NEK10: variants seen among roughly 807,000 people sequenced by gnomAD.
NEK10 encodes serine/threonine-protein kinase Nek10.
Under a neutral mutation model 159.8 loss-of-function variants are expected in NEK10, and 122 were observed. That is an observed-to-expected ratio of 0.76 (90% confidence interval 0.66 to 0.89). The LOEUF (loss-of-function observed/expected upper bound fraction) is 0.89. Ranked by LOEUF, NEK10 falls within the 40% of genes least tolerant of loss-of-function variation. The pLI, the probability that NEK10 is intolerant of heterozygous loss-of-function variation, is 0.00. For missense variants in NEK10, 1,342 were observed against 1,323.1 expected (o/e 1.01, Z -0.22); for synonymous variants, 466 against 457.1 (o/e 1.02, Z -0.25).
At chr3:27,129,650 T>C (rs1280418979) in intron 32 of NEK10, among the ~76,000 whole-genome samples, 2 of 152,108 alleles carry the variant, frequency 1.3e-5, no homozygotes, top group Admixed American at 6.6e-5. Flanking sequence ...TTATACAGAA[T>C]ATATATTAAT....
rs1943303642 is a variant in NEK10 at position 27,137,174 on chromosome 3, T to C, written c.2970+4308A>G. Among the ~76,000 whole-genome samples the C allele has an allele frequency of 2.6e-5, 4 of 152,192 alleles. No individual in the cohort carries two copies. In the South Asian group the frequency reaches 8.3e-4, roughly 31 times the overall value. Reference sequence around the variant, plus strand: ...GTGCAATGTCATAAACTTTAGAGTATTCTGGAAATACATTTTAAAAATCAC... The same window carrying C: ...GTGCAATGTCATAAACTTTAGAGTACTCTGGAAATACATTTTAAAAATCAC... On this transcript the variant is annotated intron_variant, in intron 31 of 35. Transcript: ENST00000691995.
chr3:27,180,434 A>C, intron 26 of NEK10, among the ~76,000 whole-genome samples: 1 of 96,944 alleles, frequency 1.0e-5, no homozygotes, highest in Non-Finnish European at 2.1e-5. Flanking sequence ...AGGGGAGGGG[A>C]GGGGAAGGGA....
At chr3:27,187,772 A>G (rs1948755441) in intron 26 of NEK10, among the ~76,000 whole-genome samples, 1 of 151,970 alleles carries the variant, frequency 6.6e-6, no homozygotes, top group Non-Finnish European at 1.5e-5. Flanking sequence ...AAAAAAAAAA[A>G]AAAGAAAGAA....
intron 8 of NEK10, chr3:27,311,718 T>C (rs1158513591): frequency 4.5e-6 from 1 of 220,190 alleles, no homozygotes; most frequent in Non-Finnish European, 9.0e-6. Context: ...TTATTTTTCT[T>C]TTTCATGCTC....
At chr3:27,321,176 A>G (rs2045599389) in intron 6 of NEK10, among the ~76,000 whole-genome samples, 1 of 151,816 alleles carries the variant, frequency 6.6e-6, no homozygotes, top group African/African-American at 2.4e-5. Context: ...AAAAAAAAAA[A>G]AGTGTTAAGT....
chr3:27,182,168 C>T, intron 26 of NEK10, among the ~76,000 whole-genome samples: 1 of 152,180 alleles, frequency 6.6e-6, no homozygotes, highest in Admixed American at 6.5e-5. Flanking sequence ...ATACTGTATT[C>T]TTGAAAAATA....
At chr3:27,295,122 GC>G (rs1191530392) in intron 15 of NEK10, among the ~76,000 whole-genome samples, 1 of 152,100 alleles carries the variant, frequency 6.6e-6, no homozygotes, top group Non-Finnish European at 1.5e-5. Flanking sequence ...ACCCCACTGA[GC>G]AGCTCACACT....
intron 20 of NEK10, among the ~76,000 whole-genome samples, chr3:27,287,473 C>T (rs537595296): frequency 9.2e-5 from 14 of 152,096 alleles, no homozygotes; most frequent in Non-Finnish European, 1.8e-4. Flanking sequence ...TTTGTTCATG[C>T]GTTTTTCACA....
intron 22 of NEK10, among the ~76,000 whole-genome samples, chr3:27,260,727 G>A (rs2040333785): frequency 6.6e-6 from 1 of 152,218 alleles, no homozygotes; most frequent in South Asian, 2.1e-4. Context: ...GGATGATGCT[G>A]GCCTCATAAA....
chr3:27,240,653 TC>T (rs1403996274), intron 23 of NEK10, among the ~76,000 whole-genome samples: 1 of 85,360 alleles, frequency 1.2e-5, no homozygotes. Flanking sequence ...TACTATCTCA[TC>T]TTTTTTTTTT....
intron 23 of NEK10, among the ~76,000 whole-genome samples, chr3:27,226,692 C>A (rs181724468): frequency 6.6e-6 from 1 of 152,196 alleles, no homozygotes; most frequent in Admixed American, 6.5e-5. Context: ...AGAAAACATT[C>A]CCTGGCCAAT....
intron 3 of NEK10, among the ~76,000 whole-genome samples, chr3:27,349,994 G>C (rs536556641): frequency 5.9e-5 from 9 of 152,292 alleles, no homozygotes; most frequent in African/African-American, 1.9e-4. Flanking sequence ...AACAACAGGG[G>C]AAGTAGCCTC....
intron 23 of NEK10, among the ~76,000 whole-genome samples, chr3:27,218,544 G>A (rs1403336417): frequency 2.0e-5 from 3 of 147,512 alleles, no homozygotes; most frequent in Admixed American, 1.4e-4. Flanking sequence ...AGCGGAGGTT[G>A]CAGTGAGCCG....
chr3:27,151,528 C>T (rs914445062), intron 30 of NEK10, among the ~76,000 whole-genome samples: 4 of 152,122 alleles, frequency 2.6e-5, no homozygotes, highest in Non-Finnish European at 4.4e-5. Context: ...CTAGATATTC[C>T]CTCTGACAGA....
chr3:27,199,161 C>T (rs1949822919), intron 25 of NEK10, among the ~76,000 whole-genome samples: 1 of 151,318 alleles, frequency 6.6e-6, no homozygotes, highest in African/African-American at 2.4e-5. Context: ...ATACTATCAA[C>T]AGAGTAAACA....
chr3:27,227,441 C>A lies in NEK10; in HGVS notation c.2091-24884G>T, dbSNP rs560229601. 9.8e-5 allele frequency among the ~76,000 whole-genome samples: 15 copies of A among 152,298 alleles called. No individual in the cohort carries two copies. In the South Asian group the frequency reaches 3.1e-3, roughly 32 times the overall value. On this transcript the variant is annotated intron_variant, in intron 23 of 35. Transcript: ENST00000691995. ...ATTAGCATAAAGGTTAGAGTCAAAA[C>A]TTCTTCCTCCTGCCAAATCCTCCTA... is the stretch of plus-strand genomic sequence containing the variant.
chr3:27,287,557 G>A, intron 20 of NEK10, 141 bp downstream of exon 20: 1 of 787,052 alleles, frequency 1.3e-6, no homozygotes, highest in Middle Eastern at 4.0e-4. Flanking sequence ...AGAAAGTGAT[G>A]CTTAAGACCA....
intron 29 of NEK10, among the ~76,000 whole-genome samples, chr3:27,165,007 C>T (rs1403006390): frequency 6.6e-6 from 1 of 152,182 alleles, no homozygotes; most frequent in East Asian, 1.9e-4. Flanking sequence ...TTTGCTATTC[C>T]TTTATATAAT....
rs566903121 is a variant in NEK10, at chr3:27,249,142, G to T, written c.2090+7154C>A. On this transcript the variant is annotated intron_variant, in intron 23 of 35. Transcript: ENST00000691995. ...CATGTGATCGGTTTTGTGTTTGGTA[G>T]TTCCTCCTGCATTCATTCTCCTTCC... is the stretch of plus-strand genomic sequence containing the variant. 2.5e-4 allele frequency among the ~76,000 whole-genome samples: 38 copies of T among 152,278 alleles called. No homozygotes were observed. The South Asian group carries it at 7.5e-3, about 30-fold the overall frequency.
Sources: allele counts gnomAD v4.1 joint callset (sites outside exome capture counted in the v4.1 genomes callset), GRCh38; gene constraint gnomAD v4.1.1; transcripts MANE v1.5; gene names NCBI Gene and HGNC (gene_info 2026-07-23, HGNC 2026-07-21).